PFKFB4: variants seen among roughly 807,000 people sequenced by gnomAD.
PFKFB4 encodes the protein 6-phosphofructo-2-kinase/fructose-2,6-biphosphatase 4, also known as 6-phosphofructo-2-kinase/fructose-2,6-bisphosphatase 4.
PFKFB4 carries 42 observed loss-of-function variants against 62.8 expected under a neutral mutation model. The observed-to-expected ratio is 0.67, with a 90% CI of 0.52 to 0.86. The LOEUF is 0.86. Ranked by LOEUF, PFKFB4 falls within the 40% of genes least tolerant of loss-of-function variation. PFKFB4 has a pLI of 0.00. For synonymous variants in PFKFB4, 204 were observed against 240.7 expected (o/e 0.85, Z 1.41); for missense variants, 475 against 627.2 (o/e 0.76, Z 2.59).
intron 10 of PFKFB4, among the ~76,000 whole-genome samples, chr3:48,524,463 T>C (rs948344371): frequency 6.6e-6 from 1 of 152,166 alleles, no homozygotes. Flanking sequence ...AAGCTTTGAT[T>C]AGGAAGCAAA....
chr3:48,545,074 C>T (rs1279088880), intron 3 of PFKFB4, among the ~76,000 whole-genome samples: 1 of 152,032 alleles, frequency 6.6e-6, no homozygotes, highest in Non-Finnish European at 1.5e-5. Context: ...AGATAAATTA[C>T]CTTTTTATCT....
In PFKFB4 at chr3:48,556,391, G is replaced by A. The variant is rs1023658667; in HGVS notation, c.97+290C>T. On this transcript the variant is annotated intron_variant, in intron 1 of 13. Coordinates refer to ENST00000232375, the MANE Select transcript of PFKFB4 (RefSeq NM_004567.4). This position sits in a 1 kb window ranked among gnomAD's most constrained non-coding sequence, Gnocchi z 5.7. ...GGCGATGGGGATTGGAGAGGGAAGC[G>A]AGGGGGCCAGAGCCCTCCCCGAGGT... Among the ~76,000 whole-genome samples the A allele has an allele frequency of 6.6e-6, 1 of 152,136 alleles. No individual in the cohort carries two copies. The highest frequency in any genetic ancestry group is 1.5e-5 in the Non-Finnish European group (1 of 68,000).
At chr3:48,562,772 C>A, upstream of PFKFB4, 2 of 1,533,550 alleles carry the variant, frequency 1.3e-6, no homozygotes, top group East Asian at 2.4e-5. This position sits in a 1 kb window ranked among gnomAD's most constrained non-coding sequence, Gnocchi z 4.3. Flanking sequence ...TCACTGTGAC[C>A]CCCTCTCTCA....
intron 9 of PFKFB4, among the ~76,000 whole-genome samples, chr3:48,531,523 C>T (rs1472133334): frequency 6.6e-5 from 10 of 151,296 alleles, no homozygotes; most frequent in Non-Finnish European, 8.8e-5. Flanking sequence ...TCACCACAAC[C>T]TCCGCCTCCC....
intron 5 of PFKFB4, 23 bp downstream of exon 5, chr3:48,539,674 G>C (rs766464360): frequency 6.3e-7 from 1 of 1,597,818 alleles, no homozygotes; most frequent in South Asian, 1.1e-5. Context: ...TTCCGCCAAG[G>C]AGAGGAGCCA....
intron 3 of PFKFB4, among the ~76,000 whole-genome samples, chr3:48,545,169 T>C (rs1256002365): frequency 3.3e-5 from 5 of 152,200 alleles, no homozygotes; most frequent in Non-Finnish European, 2.9e-5. Context: ...TCTCACTTTG[T>C]TGCCCAGGCT....
At chr3:48,546,003 G>A (rs2042951157) in intron 3 of PFKFB4, among the ~76,000 whole-genome samples, 1 of 152,172 alleles carries the variant, frequency 6.6e-6, no homozygotes, top group South Asian at 2.1e-4. Flanking sequence ...AAGAGCCTGG[G>A]AGCCTGTGTG....
chr3:48,539,461 C>A (rs1286169204), intron 5 of PFKFB4, 151 bp from the exon 6 acceptor site: 3 of 764,518 alleles, frequency 3.9e-6, no homozygotes, highest in Admixed American at 2.1e-5. Context: ...GGGCTGGAGG[C>A]GGGGTCAAGG....
chr3:48,551,592 G>A (rs2043158347), intron 1 of PFKFB4, among the ~76,000 whole-genome samples: 1 of 134,404 alleles, frequency 7.4e-6, no homozygotes, highest in Admixed American at 8.2e-5. Context: ...CCAGGCTGGA[G>A]TGCTGGAGGA....
chr3:48,539,885 C>G, intron 4 of PFKFB4, 114 bp from the exon 5 acceptor site: 1 of 811,238 alleles, frequency 1.2e-6, no homozygotes, highest in Non-Finnish European at 2.1e-6. Flanking sequence ...GACTGGATTT[C>G]TCATAAGGAC....
At chr3:48,559,900 A>T (rs1318562861), upstream of PFKFB4, 16 of 15,552 alleles carry the variant, frequency 1.0e-3, no homozygotes, top group African/African-American at 8.9e-3. Context: ...CCATCCCACC[A>T]CACACACACA....
At chr3:48,535,877 A>G (rs1415540440) in intron 8 of PFKFB4, among the ~76,000 whole-genome samples, 1 of 152,216 alleles carries the variant, frequency 6.6e-6, no homozygotes, top group African/African-American at 2.4e-5. Flanking sequence ...CAGCACAGTT[A>G]CAGCTGAGAC....
In PFKFB4 at chr3:48,556,092, C is replaced by T. The variant is rs1403417434; in HGVS notation, c.97+589G>A. 4.4e-6 allele frequency: 2 copies of T among 456,632 alleles called. No individual in the cohort carries two copies. The highest frequency in any genetic ancestry group is 1.5e-5 in the South Asian group (1 of 64,568). The allele number at this position is 456,632 out of a possible 1,614,324, so 28.3% of individuals were successfully genotyped here. ...ACCCCAGGTGGATACTTACATGTCC[C>T]GGGACACAGACACAGGCCCACACGG... On this transcript the variant is annotated intron_variant, in intron 1 of 13. Coordinates refer to ENST00000232375, the MANE Select transcript of PFKFB4 (RefSeq NM_004567.4). This position sits in a 1 kb window ranked among gnomAD's most constrained non-coding sequence, Gnocchi z 5.7.
chr3:48,556,825 G>C (rs906587251), upstream of PFKFB4: 4 of 1,536,388 alleles, frequency 2.6e-6, no homozygotes, highest in South Asian at 2.4e-5. This position sits in a 1 kb window ranked among gnomAD's most constrained non-coding sequence, Gnocchi z 5.7. Context: ...CCCAGCAGCC[G>C]GGCCACCTCG....
intron 4 of PFKFB4, 73 bp from the exon 5 acceptor site, chr3:48,539,844 G>A: frequency 8.5e-7 from 1 of 1,178,886 alleles, no homozygotes; most frequent in East Asian, 2.3e-5. Flanking sequence ...CCTGAAGTGG[G>A]CAGTGAGGGC....
chr3:48,556,848 T>TCCCGCCCCTTGGGC (rs2043341669), upstream of PFKFB4: 1 of 1,469,258 alleles, frequency 6.8e-7, no homozygotes, highest in Non-Finnish European at 9.0e-7. This position sits in a 1 kb window ranked among gnomAD's most constrained non-coding sequence, Gnocchi z 5.7. Context: ...CCACCCGAGG[T>TCCCGCCCCTTGGGC]CCCGCCCCTT....
chr3:48,520,135 G>T (rs1018343569), intron 13 of PFKFB4, among the ~76,000 whole-genome samples: 15 of 152,180 alleles, frequency 9.9e-5, no homozygotes, highest in Admixed American at 2.0e-4. Flanking sequence ...CCCCTGGCTT[G>T]GGGATTTTAT....
chr3:48,538,830 G>A (rs1244493085), intron 6 of PFKFB4, among the ~76,000 whole-genome samples: 1 of 152,200 alleles, frequency 6.6e-6, no homozygotes, highest in Non-Finnish European at 1.5e-5. Context: ...TGAGGGTCCA[G>A]GGATTGAAGT....
chr3:48,543,597 CCTCA>C lies in PFKFB4; in HGVS notation c.357_360del (p.Ser119ArgfsTer46), dbSNP rs775576731. On this transcript the variant is annotated frameshift_variant, in exon 4 of 14. Coordinates refer to ENST00000232375, the MANE Select transcript of PFKFB4 (RefSeq NM_004567.4). LOFTEE classifies it high-confidence loss of function. ...ACACTCACCGCCACATGTCCCCCCTCCTCACTAAGGAACCGCCGGACGTCACGGA... is the reference window on the plus strand; with the variant it reads ...ACACTCACCGCCACATGTCCCCCCTCCTAAGGAACCGCCGGACGTCACGGA... 12 of 1,611,258 alleles carry C rather than the reference CCTCA, an allele frequency of 7.4e-6. No individual in the cohort carries two copies. The highest frequency in any genetic ancestry group is 9.3e-6 in the Non-Finnish European group (11 of 1,178,994).
Sources: gnomAD v4.1 joint callset for allele counts (sites outside exome capture counted in the v4.1 genomes callset) on GRCh38, gnomAD v4.1.1 for gene constraint, Gnocchi (gnomAD v3.1) non-coding constraint, MANE v1.5 for transcripts, NCBI Gene and HGNC (gene_info 2026-07-23, HGNC 2026-07-21) for gene names.